Variants in ST3GAL6 observed in about 807,000 individuals in gnomAD.
ST3GAL6 encodes the protein ST3 beta-galactoside alpha-2,3-sialyltransferase 6.
ST3GAL6 carries 31 observed loss-of-function variants against 40.5 expected under a neutral mutation model. The ratio of observed to expected loss-of-function variants is 0.77; its 90% confidence interval spans 0.58 to 1.03. The LOEUF (loss-of-function observed/expected upper bound fraction) is 1.03, where lower values mean the gene tolerates loss of function less well. Ranked by LOEUF, ST3GAL6 falls within the 50% of genes least tolerant of loss-of-function variation. ST3GAL6 has a pLI of 0.00. For synonymous variants in ST3GAL6, 129 were observed against 136.9 expected (o/e 0.94, Z 0.40); for missense variants, 357 against 393.2 (o/e 0.91, Z 0.78).
At chr3:98,782,498 T>C (rs1940230342) in intron 5 of ST3GAL6, 1 of 606,048 alleles carries the variant, frequency 1.7e-6, no homozygotes. Flanking sequence ...ACAAGATGAA[T>C]TTACACTCTG....
At position 98,768,482 on chromosome 3, in the gene ST3GAL6, C is replaced by CCTCTA; in HGVS notation, c.43_47dup (p.Tyr17SerfsTer22). The CCTCTA allele has an allele frequency of 6.2e-7, 1 of 1,613,858 alleles. No individual in the cohort carries two copies. Among genetic ancestry groups the CCTCTA allele is most frequent in the Non-Finnish European group, 8.5e-7 (1 of 1,179,814 alleles). Reference sequence around the variant, plus strand: ...TGGCCATATTCCTGAGTGCTGTCTTCCTCTATTATGTACTGCATTGCATAT... The same window carrying CCTCTA: ...TGGCCATATTCCTGAGTGCTGTCTTCCTCTACTCTATTATGTACTGCATTGCATAT... On this transcript the variant is annotated frameshift_variant, in exon 2 of 10. Coordinates refer to ENST00000483910, the MANE Select transcript of ST3GAL6 (RefSeq NM_001323368.2). LOFTEE classifies it high-confidence loss of function.
At chr3:98,780,562 T>C (rs1473326515) in intron 5 of ST3GAL6, among the ~76,000 whole-genome samples, 1 of 145,750 alleles carries the variant, frequency 6.9e-6, no homozygotes, top group Non-Finnish European at 1.5e-5. Context: ...AGGCAATGTC[T>C]ATGTTATTTC....
rs148173197 is a variant in ST3GAL6, at chr3:98,784,917, A to G, written c.336-28A>G. ...AATCAGTTTTGTAAAAGATGGCTCA[A>G]TCTCTCACTTGTCCATCTGTCCAAC... On this transcript the variant is annotated intron_variant, in intron 5 of 9. Transcript: ENST00000483910. The G allele has an allele frequency of 7.0e-6, 11 of 1,572,226 alleles. No individual in the cohort carries two copies. In the East Asian group the frequency reaches 2.0e-4, roughly 29 times the overall value.
intron 4 of ST3GAL6, 116 bp downstream of exon 4, chr3:98,773,032 G>T: frequency 1.6e-6 from 1 of 612,890 alleles, no homozygotes; most frequent in Admixed American, 2.9e-5. Flanking sequence ...GATTTCCAAT[G>T]GATATGATTT....
At position 98,788,474 on chromosome 3, in the gene ST3GAL6, A is replaced by C. The variant is rs1000144029; in HGVS notation, c.756+11A>C. ...TTTCCCAAAAATCAGGTATGTATTTATCTCTGCATGGTTTCAAACTACAGA... is the reference window on the plus strand; with the variant it reads ...TTTCCCAAAAATCAGGTATGTATTTCTCTCTGCATGGTTTCAAACTACAGA... On this transcript the variant is annotated intron_variant, in intron 8 of 9. Coordinates refer to ENST00000483910, the MANE Select transcript of ST3GAL6 (RefSeq NM_001323368.2). The C allele has an allele frequency of 5.6e-6, 9 of 1,597,296 alleles. No homozygotes were observed. In the African/African-American group the frequency reaches 1.1e-4, roughly 19 times the overall value.
At chr3:98,744,454 A>T (rs828595) in intron 1 of ST3GAL6, among the ~76,000 whole-genome samples, 1 of 152,090 alleles carries the variant, frequency 6.6e-6, no homozygotes, top group South Asian at 2.1e-4. Context: ...AACTGACTCA[A>T]AAACTGCCTC....
chr3:98,735,845 T>C (rs529487204), intron 1 of ST3GAL6, among the ~76,000 whole-genome samples: 9 of 152,340 alleles, frequency 5.9e-5, no homozygotes, highest in Admixed American at 3.9e-4. Flanking sequence ...CAATTCCATA[T>C]CAGGATGTCA....
At chr3:98,779,002 T>A (rs1939816219) in intron 5 of ST3GAL6, among the ~76,000 whole-genome samples, 2 of 152,204 alleles carry the variant, frequency 1.3e-5, no homozygotes. Flanking sequence ...ATTCATATAG[T>A]TATCTGAATG....
chr3:98,741,002 A>G (rs1936028279), intron 1 of ST3GAL6, among the ~76,000 whole-genome samples: 1 of 151,764 alleles, frequency 6.6e-6, no homozygotes, highest in Non-Finnish European at 1.5e-5. Context: ...TCATATGCCA[A>G]GTACTCTGCT....
Position 98,784,939 on chromosome 3 carries a change from C to T in ST3GAL6, c.336-6C>T. 6.3e-7 allele frequency: 1 copy of T among 1,592,616 alleles called. No homozygotes were observed. Among genetic ancestry groups the T allele is most frequent in the South Asian group, 1.1e-5 (1 of 90,560 alleles). On this transcript the variant is annotated splice_region_variant and splice_polypyrimidine_tract_variant and intron_variant, in intron 5 of 9. Transcript: ENST00000483910. ...TCAATCTCTCACTTGTCCATCTGTC[C>T]AACAGCATACCCTGTAAAAAGTGTG...
intron 5 of ST3GAL6, chr3:98,783,092 CT>C (rs33936420): frequency 0.48 from 79,376 of 166,092 alleles, 18,213 homozygotes; most frequent in East Asian, 0.69. Flanking sequence ...AAGAGAAGGG[CT>C]TTTTTTTTTT....
At chr3:98,785,758 GGC>G (rs1940641777) in intron 6 of ST3GAL6, among the ~76,000 whole-genome samples, 1 of 152,176 alleles carries the variant, frequency 6.6e-6, no homozygotes, top group Non-Finnish European at 1.5e-5. Context: ...TAAATATTCT[GGC>G]TGTGGCATGG....
chr3:98,762,989 G>C, upstream of ST3GAL6: 1 of 985,398 alleles, frequency 1.0e-6, no homozygotes, highest in Non-Finnish European at 1.2e-6. Context: ...CTGATCTCAC[G>C]CATTTGGACT....
intron 8 of ST3GAL6, 74 bp from the exon 9 acceptor site, chr3:98,791,767 T>G: frequency 7.3e-7 from 1 of 1,364,230 alleles, no homozygotes; most frequent in Non-Finnish European, 1.0e-6. Flanking sequence ...TTTATATGAT[T>G]CAGCCAACCA....
intron 3 of ST3GAL6, 135 bp from the exon 4 acceptor site, chr3:98,772,677 TA>T: frequency 1.2e-5 from 6 of 497,314 alleles, no homozygotes; most frequent in South Asian, 3.6e-5. Flanking sequence ...TTTTAAAAAT[TA>T]AAAAAAATTA....
intron 1 of ST3GAL6, among the ~76,000 whole-genome samples, chr3:98,766,817 A>G (rs1403510371): frequency 6.6e-6 from 1 of 152,192 alleles, no homozygotes; most frequent in African/African-American, 2.4e-5. Flanking sequence ...GCCTTCCAGG[A>G]CCATCTAATA....
At chr3:98,738,467 G>A (rs1397874633) in intron 1 of ST3GAL6, among the ~76,000 whole-genome samples, 3 of 151,988 alleles carry the variant, frequency 2.0e-5, no homozygotes, top group African/African-American at 7.2e-5. Context: ...TTGTAGAGAC[G>A]GGGTCTCACT....
chr3:98,761,049 G>T (rs1486921975), upstream of ST3GAL6, among the ~76,000 whole-genome samples: 3 of 152,194 alleles, frequency 2.0e-5, no homozygotes, highest in Non-Finnish European at 2.9e-5. Context: ...GCTGCTAGGG[G>T]CCAGGAAGTG....
chr3:98,773,916 C>G lies in ST3GAL6; in HGVS notation c.272-4C>G, dbSNP rs1463200279. 2 of 1,611,942 alleles carry G rather than the reference C, an allele frequency of 1.2e-6. No individual in the cohort carries two copies. Among genetic ancestry groups the G allele is most frequent in the African/African-American group, 1.3e-5 (1 of 74,990 alleles). On this transcript the variant is annotated splice_region_variant and splice_polypyrimidine_tract_variant and intron_variant, in intron 4 of 9. Coordinates refer to ENST00000483910, the MANE Select transcript of ST3GAL6 (RefSeq NM_001323368.2). The stretch of plus-strand genomic sequence containing the variant: ...TTATTCATAACACTCCATTTGTTTT[C>G]TAGCGGAATATTTTCGACTTGCTCT...
Sources: gnomAD v4.1 joint callset for allele counts (sites outside exome capture counted in the v4.1 genomes callset) on GRCh38, gnomAD v4.1.1 for gene constraint, MANE v1.5 for transcripts, NCBI Gene and HGNC (gene_info 2026-07-23, HGNC 2026-07-21) for gene names.